LRMDA: variants seen among roughly 807,000 people sequenced by gnomAD.
LRMDA encodes leucine-rich melanocyte differentiation-associated protein.
LRMDA carries 18 observed loss-of-function variants against 29.8 expected under a neutral mutation model. That is an observed-to-expected ratio of 0.60 (90% confidence interval 0.42 to 0.90). LRMDA has a LOEUF of 0.90. Ranked by LOEUF, LRMDA falls within the 40% of genes least tolerant of loss-of-function variation. The probability of loss-of-function intolerance (pLI) is 0.00; values close to 1 mark genes in which losing one functional copy is unlikely to be tolerated. For synonymous variants in LRMDA, 125 were observed against 109.4 expected, an observed-to-expected ratio of 1.14 and a Z score of -0.89; for missense variants, 273 against 273.9, an observed-to-expected ratio of 1.00 and a Z score of 0.02.
intron 2 of LRMDA, among the ~76,000 whole-genome samples, chr10:75,731,136 G>A (rs547228243): frequency 1.1e-3 from 164 of 152,318 alleles, no homozygotes; most frequent in African/African-American, 3.8e-3. Flanking sequence ...TGCAACACAT[G>A]GTAACCCAAT....
At chr10:75,782,753 T>C (rs931951930) in intron 2 of LRMDA, 1 of 1,375,472 alleles carries the variant, frequency 7.3e-7, no homozygotes, top group East Asian at 2.8e-5. Context: ...AGATGCCCTT[T>C]GCTGACTGTT....
chr10:75,628,940 A>T (rs1265641394), intron 2 of LRMDA, among the ~76,000 whole-genome samples: 6 of 152,214 alleles, frequency 3.9e-5, no homozygotes, highest in African/African-American at 1.2e-4. Context: ...TCATTGCCCA[A>T]ATAGCCATGG....
At position 76,023,141 on chromosome 10, in the gene LRMDA, T is replaced by C. The variant is rs551454718; in HGVS notation, c.132-12867T>C. ...TAAAGCTGCCTCTGTCCAGGGCATC[T>C]CAAGATCCATCCATTATGGCTTCTT... On this transcript the variant is annotated intron_variant, in intron 2 of 6. Coordinates refer to ENST00000611255, the MANE Select transcript of LRMDA (RefSeq NM_001305581.2). Among the ~76,000 whole-genome samples, 168 of 152,196 alleles carry C rather than the reference T, an allele frequency of 1.1e-3. 1 individual carries two copies. The highest frequency in any genetic ancestry group is 3.9e-3 in the African/African-American group (160 of 41,548).
chr10:76,239,739 G>A (rs1852235159), intron 5 of LRMDA, among the ~76,000 whole-genome samples: 1 of 151,896 alleles, frequency 6.6e-6, no homozygotes, highest in Admixed American at 6.6e-5. Context: ...CTATAATCTG[G>A]TGTCAGATCA....
intron 6 of LRMDA, among the ~76,000 whole-genome samples, chr10:76,445,433 GT>G (rs1266408385): frequency 1.2e-4 from 18 of 152,292 alleles, no homozygotes; most frequent in African/African-American, 4.1e-4. Flanking sequence ...TCAGAGGTCT[GT>G]TTGCTTCTGA....
intron 6 of LRMDA, among the ~76,000 whole-genome samples, chr10:76,432,602 C>T (rs548152954): frequency 6.6e-6 from 1 of 152,278 alleles, no homozygotes; most frequent in Admixed American, 6.5e-5. Flanking sequence ...ATTCAATACA[C>T]TGGGGTCTAA....
At chr10:76,451,494 T>C (rs973492518) in intron 6 of LRMDA, among the ~76,000 whole-genome samples, 2 of 149,242 alleles carry the variant, frequency 1.3e-5, no homozygotes, top group Non-Finnish European at 3.0e-5. Context: ...CGTGAGCCAC[T>C]GCACCCGGCC....
chr10:76,089,971 A>T (rs569140840), intron 5 of LRMDA, among the ~76,000 whole-genome samples: 1 of 152,342 alleles, frequency 6.6e-6, no homozygotes, highest in South Asian at 2.1e-4. Context: ...CAGATTTAGA[A>T]CAGCAAATGA....
chr10:75,769,703 G>A (rs965993108), intron 2 of LRMDA, among the ~76,000 whole-genome samples: 3 of 152,122 alleles, frequency 2.0e-5, no homozygotes, highest in Non-Finnish European at 4.4e-5. Context: ...AATTGGCTAA[G>A]CAACATTGTT....
chr10:76,248,788 A>G (rs948195224), intron 5 of LRMDA, among the ~76,000 whole-genome samples: 2 of 152,178 alleles, frequency 1.3e-5, no homozygotes, highest in Non-Finnish European at 1.5e-5. Context: ...GCAGGATAAC[A>G]TATCATTGGC....
rs149086512 is a variant in LRMDA at position 75,995,217 on chromosome 10, C to T, written c.132-40791C>T. ...AGTAAAGCAAGAAGGAACTAGTAGG[C>T]GTATGGAGTAGTTTATGACTCTTTC... On this transcript the variant is annotated intron_variant, in intron 2 of 6. Coordinates refer to ENST00000611255, the MANE Select transcript of LRMDA (RefSeq NM_001305581.2). 8.6e-3 allele frequency among the ~76,000 whole-genome samples: 1,303 copies of T among 152,220 alleles called. 7 individuals are homozygous for T. The highest frequency in any genetic ancestry group is 0.011 in the South Asian group (55 of 4,810).
chr10:76,319,768 C>T (rs1241918603), intron 5 of LRMDA, among the ~76,000 whole-genome samples: 1 of 152,094 alleles, frequency 6.6e-6, no homozygotes, highest in African/African-American at 2.4e-5. Context: ...GACTATTTCC[C>T]AGACCCAGGA....
At chr10:76,458,928 C>G (rs186171923) in intron 6 of LRMDA, among the ~76,000 whole-genome samples, 18 of 152,294 alleles carry the variant, frequency 1.2e-4, no homozygotes, top group African/African-American at 4.1e-4. Context: ...CAACCTTTCT[C>G]TCTTCTGATT....
At chr10:76,248,367 C>T (rs1372836259) in intron 5 of LRMDA, among the ~76,000 whole-genome samples, 2 of 152,156 alleles carry the variant, frequency 1.3e-5, no homozygotes, top group Non-Finnish European at 2.9e-5. Flanking sequence ...TTACAGAGTT[C>T]CTTAACATAT....
chr10:75,460,306 G>A (rs924546130), intron 2 of LRMDA, among the ~76,000 whole-genome samples: 1 of 152,148 alleles, frequency 6.6e-6, no homozygotes, highest in African/African-American at 2.4e-5. Flanking sequence ...GTCTTTGGGA[G>A]TACATACTGC....
chr10:76,475,286 A>G (rs1000034418), intron 6 of LRMDA, among the ~76,000 whole-genome samples: 1 of 151,780 alleles, frequency 6.6e-6, no homozygotes, highest in Admixed American at 6.6e-5. Context: ...GTGAATATGC[A>G]TAAAGTTTTG....
At chr10:76,143,168 T>C (rs1314214892) in intron 5 of LRMDA, among the ~76,000 whole-genome samples, 1 of 152,222 alleles carries the variant, frequency 6.6e-6, no homozygotes, top group Non-Finnish European at 1.5e-5. Context: ...GCATGTGTCT[T>C]TATAGCAGCA....
chr10:76,313,489 CAA>C (rs1413924083), intron 5 of LRMDA, among the ~76,000 whole-genome samples: 1 of 152,128 alleles, frequency 6.6e-6, no homozygotes, highest in Non-Finnish European at 1.5e-5. Flanking sequence ...GAGAGTTAAA[CAA>C]TATACAAATT....
intron 2 of LRMDA, among the ~76,000 whole-genome samples, chr10:75,745,363 G>A (rs375985214): frequency 1.9e-4 from 29 of 151,872 alleles, no homozygotes; most frequent in Admixed American, 2.6e-4. Flanking sequence ...AACATGATTC[G>A]CATCTTTTAA....
Sources: allele counts gnomAD v4.1 joint callset (sites outside exome capture counted in the v4.1 genomes callset), GRCh38; gene constraint gnomAD v4.1.1; transcripts MANE v1.5; gene names NCBI Gene and HGNC (gene_info 2026-07-23, HGNC 2026-07-21).